UGT2B11: variants seen among roughly 807,000 people sequenced by gnomAD.
The protein encoded by UGT2B11 is UDP-glucuronosyltransferase 2B11.
Under a neutral mutation model 51.7 loss-of-function variants are expected in UGT2B11, and 49 were observed. The ratio of observed to expected loss-of-function variants is 0.95; its 90% CI spans 0.75 to 1.20. UGT2B11 has a LOEUF of 1.20. Ranked by LOEUF, UGT2B11 falls within the 50% of genes most tolerant of loss-of-function variation. The pLI, the probability that UGT2B11 is intolerant of heterozygous loss-of-function variation, is 0.00. For synonymous variants in UGT2B11, 273 were observed against 209.0 expected (o/e 1.31, Z -2.64); for missense variants, 810 against 622.1 (o/e 1.30, Z -3.21).
At chr4:69,207,429 A>G (rs1475688091) in intron 3 of UGT2B11, among the ~76,000 whole-genome samples, 3 of 151,670 alleles carry the variant, frequency 2.0e-5, no homozygotes, top group Non-Finnish European at 3.0e-5. Context: ...CAAATACACA[A>G]AGGTCCCTGG....
chr4:69,215,029 C>A (rs1722223301), upstream of UGT2B11: 1 of 281,864 alleles, frequency 3.5e-6, no homozygotes. Flanking sequence ...GTGAGAGAGT[C>A]CTGCAGAGCC....
chr4:69,207,822 G>A (rs1411286479), intron 3 of UGT2B11, among the ~76,000 whole-genome samples: 3 of 151,634 alleles, frequency 2.0e-5, no homozygotes, highest in African/African-American at 4.8e-5. Context: ...TGGCCCAAGA[G>A]TAAGTGAAAT....
At chr4:69,205,744 A>G (rs1381759466) in intron 3 of UGT2B11, 177 bp from the exon 4 acceptor site, 1 of 714,416 alleles carries the variant, frequency 1.4e-6, no homozygotes, top group African/African-American at 1.9e-5. Context: ...TGATTTAGAT[A>G]TATAAGAAAC....
At chr4:69,222,585 T>C in the UGT2B11 span, among the ~76,000 whole-genome samples, 555 of 152,306 alleles carry the variant, frequency 3.6e-3, 3 homozygotes, top group Non-Finnish European at 5.5e-3. Flanking sequence ...TAAAGTACCA[T>C]AGATCCCCAA....
At chr4:69,221,807 T>C in the UGT2B11 span, among the ~76,000 whole-genome samples, 46 of 152,300 alleles carry the variant, frequency 3.0e-4, no homozygotes, top group South Asian at 6.2e-4. Flanking sequence ...CAAACTTACC[T>C]GGGGCTCTGT....
chr4:69,207,340 A>C (rs1447583681), intron 3 of UGT2B11, among the ~76,000 whole-genome samples: 1 of 151,686 alleles, frequency 6.6e-6, no homozygotes, highest in African/African-American at 2.4e-5. Context: ...CATCAGTGTT[A>C]AAGTAACTCA....
At chr4:69,202,071 C>T (rs755970284) in intron 5 of UGT2B11, among the ~76,000 whole-genome samples, 21 of 151,838 alleles carry the variant, frequency 1.4e-4, no homozygotes, top group South Asian at 2.1e-4. Context: ...TTACATAATA[C>T]GTACTCAAAA....
intron 2 of UGT2B11, among the ~76,000 whole-genome samples, chr4:69,209,432 A>G (rs1721977496): frequency 6.6e-6 from 1 of 151,648 alleles, no homozygotes; most frequent in Non-Finnish European, 1.5e-5. Context: ...ACCACATTAC[A>G]CTGCTGGTGA....
intron 3 of UGT2B11, among the ~76,000 whole-genome samples, chr4:69,206,332 A>T (rs972655785): frequency 4.6e-5 from 7 of 151,702 alleles, no homozygotes; most frequent in African/African-American, 1.7e-4. Context: ...AGGGATAAGG[A>T]TGGAGCTGGA....
chr4:69,224,739 G>A, the UGT2B11 span, among the ~76,000 whole-genome samples: 1 of 123,772 alleles, frequency 8.1e-6, no homozygotes, highest in South Asian at 3.0e-4. Flanking sequence ...AGAGAGACAC[G>A]GATCAACCGA....
intron 2 of UGT2B11, among the ~76,000 whole-genome samples, chr4:69,210,751 A>G (rs1722030987): frequency 6.6e-6 from 1 of 151,576 alleles, no homozygotes; most frequent in Non-Finnish European, 1.5e-5. Flanking sequence ...TATAAAGCCC[A>G]TACAATTTGC....
upstream of UGT2B11, among the ~76,000 whole-genome samples, chr4:69,217,163 C>G (rs969468097): frequency 3.3e-5 from 5 of 152,074 alleles, no homozygotes; most frequent in African/African-American, 1.2e-4. Flanking sequence ...GTTTCTCACT[C>G]TTAGAAAGTA....
intron 5 of UGT2B11, among the ~76,000 whole-genome samples, chr4:69,203,251 A>T (rs1227011726): frequency 6.6e-6 from 1 of 151,776 alleles, no homozygotes; most frequent in South Asian, 2.1e-4. Flanking sequence ...CAACAATCAC[A>T]TATAAAGATT....
chr4:69,209,739 T>C (rs1721987770), intron 2 of UGT2B11, among the ~76,000 whole-genome samples: 1 of 151,588 alleles, frequency 6.6e-6, no homozygotes, highest in African/African-American at 2.4e-5. Context: ...TGTAGCCACA[T>C]TTAATGTAAC....
At position 69,210,301 on chromosome 4, in the gene UGT2B11, A is replaced by G. The variant is rs187745832; in HGVS notation, c.871-1819T>C. ...CATAAGGTTTAATAGGTGCACCTTG[A>G]TTTTTTTATGATTTCACGTGAATAT... On this transcript the variant is annotated intron_variant, in intron 2 of 5. Coordinates refer to ENST00000446444, the MANE Select transcript of UGT2B11 (RefSeq NM_001073.3). Among the ~76,000 whole-genome samples, 824 of 151,592 alleles carry G rather than the reference A, an allele frequency of 5.4e-3. 3 individuals carry two copies. Among genetic ancestry groups the G allele is most frequent in the Non-Finnish European group, 9.3e-3 (630 of 67,650 alleles).
At chr4:69,200,765 T>G in intron 5 of UGT2B11, 46 bp from the exon 6 acceptor site, 1 of 1,554,846 alleles carries the variant, frequency 6.4e-7, no homozygotes, top group Non-Finnish European at 8.7e-7. Context: ...TAAGTTAATT[T>G]GCCTGTACAT....
chr4:69,220,410 C>A, the UGT2B11 span, among the ~76,000 whole-genome samples: 1 of 151,810 alleles, frequency 6.6e-6, no homozygotes, highest in African/African-American at 2.4e-5. Flanking sequence ...CTTCTCACGG[C>A]TCCACTGGGT....
upstream of UGT2B11, chr4:69,215,328 C>T (rs1468053868): frequency 6.6e-6 from 1 of 152,016 alleles, no homozygotes; most frequent in East Asian, 1.9e-4. Flanking sequence ...CTAATTTCTG[C>T]CTCTAGAAAC....
At chr4:69,219,118 T>G (rs969199073), upstream of UGT2B11, among the ~76,000 whole-genome samples, 1 of 152,046 alleles carries the variant, frequency 6.6e-6, no homozygotes, top group African/African-American at 2.4e-5. Flanking sequence ...CTCAGTATTT[T>G]CTCTCCAAAG....
Sources: allele counts gnomAD v4.1 joint callset (sites outside exome capture counted in the v4.1 genomes callset), GRCh38; gene constraint gnomAD v4.1.1; transcripts MANE v1.5; gene names NCBI Gene and HGNC (gene_info 2026-07-23, HGNC 2026-07-21).